The following PCDHA10 variants were observed in gnomAD, a reference collection of about 807,000 sequenced individuals.
PCDHA10 encodes the protein protocadherin alpha-10.
Under a neutral mutation model 61.2 loss-of-function variants are expected in PCDHA10, and 45 were observed. That is an observed-to-expected ratio of 0.74 (90% CI 0.58 to 0.94). The LOEUF (loss-of-function observed/expected upper bound fraction) is 0.94. PCDHA10 is among the 40% of genes least tolerant of loss of function. PCDHA10 has a pLI of 0.00. For synonymous variants in PCDHA10, 602 were observed against 548.8 expected, an observed-to-expected ratio of 1.10 and a Z score of -1.35; for missense variants, 1,278 against 1,236.2, an observed-to-expected ratio of 1.03 and a Z score of -0.51.
chr5:140,981,883 C>T (rs1488792007), intron 2 of PCDHA10, among the ~76,000 whole-genome samples: 1 of 152,146 alleles, frequency 6.6e-6, no homozygotes, highest in Non-Finnish European at 1.5e-5. Context: ...GAATTAATCT[C>T]TTCTGAGCGG....
rs1554205708 is a variant in PCDHA10 at position 140,928,289 on chromosome 5, G to A, written c.2389-50660G>A. 3.1e-6 allele frequency: 5 copies of A among 1,614,170 alleles called. No individual in the cohort carries two copies. In the East Asian group the frequency reaches 6.7e-5, roughly 22 times the overall value. ...AATGGCCCTGGGGCCTCTCTAGGCC[G>A]AGTGTTTGCCCAGGACCCCGACCTG... is the stretch of plus-strand genomic sequence containing the variant. On this transcript the variant is annotated intron_variant, in intron 1 of 3. Coordinates refer to ENST00000307360, the MANE Select transcript of PCDHA10 (RefSeq NM_018901.4).
At chr5:140,875,995 A>AATGAGAATTTTG (rs1554168162) in intron 1 of PCDHA10, 7 of 1,613,958 alleles carry the variant, frequency 4.3e-6, no homozygotes, top group Non-Finnish European at 5.9e-6. Context: ...GTTAAGTCTA[A>AATGAGAATTTTG]ATGAGAATTT....
intron 1 of PCDHA10, chr5:140,877,747 T>C (rs1554170075): frequency 1.2e-6 from 2 of 1,614,172 alleles, no homozygotes; most frequent in Non-Finnish European, 8.5e-7. Context: ...GCAGAGGGTG[T>C]GCTCTGCAGA....
chr5:140,927,254 C>T, intron 1 of PCDHA10: 2 of 1,614,132 alleles, frequency 1.2e-6, no homozygotes, highest in Non-Finnish European at 1.7e-6. Flanking sequence ...AATGACAACT[C>T]ACCTCTCTTT....
intron 1 of PCDHA10, chr5:140,883,245 G>C: frequency 6.2e-7 from 1 of 1,614,016 alleles, no homozygotes; most frequent in South Asian, 1.1e-5. Context: ...GTTGACAAAG[G>C]AAATATTCCA....
chr5:140,856,906 C>A lies in PCDHA10; in HGVS notation c.858C>A (p.Pro286=), dbSNP rs2044264701. 3.1e-6 allele frequency: 5 copies of A among 1,596,020 alleles called. No homozygotes were observed. The highest frequency in any genetic ancestry group is 2.6e-6 in the Non-Finnish European group (3 of 1,165,986). ...MMYSFSSLVP[P]TIRRKFWINE... is the part of the protein sequence containing the mutation. ...ATTCATTTAGCTCTTTGGTCCCACC[C>A]ACGATAAGAAGGAAATTTTGGATAA... The change falls in exon 1 of 4, where the codon CCC becomes CCA. Residue 286 remains proline (P), a synonymous_variant. Coordinates refer to ENST00000307360, the MANE Select transcript of PCDHA10 (RefSeq NM_018901.4).
intron 1 of PCDHA10, among the ~76,000 whole-genome samples, chr5:140,951,140 C>G (rs1322025119): frequency 9.9e-6 from 1 of 100,842 alleles, no homozygotes; most frequent in Non-Finnish European, 2.0e-5. Context: ...TTTCCTTTAT[C>G]TTATTGAATA....
At position 140,858,161 on chromosome 5, in the gene PCDHA10, G is replaced by T; in HGVS notation, c.2113G>T (p.Val705Leu). The change falls in exon 1 of 4, where the codon GTG becomes TTG. Residue 705 changes from valine (V) to leucine (L), a missense_variant. Val to Leu is a conservative substitution (Grantham distance 32). Transcript: ENST00000307360. ...NVYLIIAICAVSSLLVLTLLL... is the reference protein window; with the variant it reads ...NVYLIIAICALSSLLVLTLLL... Reference sequence around the variant, plus strand: ...GTACCTGATCATCGCCATCTGCGCGGTGTCCAGCTTGCTGGTGCTCACGCT... The same window carrying T: ...GTACCTGATCATCGCCATCTGCGCGTTGTCCAGCTTGCTGGTGCTCACGCT... 6.3e-7 allele frequency: 1 copy of T among 1,597,836 alleles called. No homozygotes were observed. The highest frequency in any genetic ancestry group is 8.6e-7 in the Non-Finnish European group (1 of 1,167,578).
chr5:140,891,756 G>A (rs782304941), intron 1 of PCDHA10, among the ~76,000 whole-genome samples: 20 of 152,144 alleles, frequency 1.3e-4, no homozygotes, highest in Non-Finnish European at 2.5e-4. Flanking sequence ...AACAGTGTTG[G>A]GAGGTGGGGA....
chr5:140,857,925 A>T lies in PCDHA10; in HGVS notation c.1877A>T (p.Tyr626Phe), dbSNP rs1291686886. 2 of 1,597,686 alleles carry T rather than the reference A, an allele frequency of 1.3e-6. No homozygotes were observed. Among genetic ancestry groups the T allele is most frequent in the Non-Finnish European group, 1.7e-6 (2 of 1,167,552 alleles). The change falls in exon 1 of 4, where the codon TAC becomes TTC. Residue 626 changes from tyrosine (Y) to phenylalanine (F), a missense_variant. Tyr to Phe is a conservative substitution (Grantham distance 22, BLOSUM62 3). Transcript: ENST00000307360. ...GARIPFRVGL[Y>F]TGEISTTRAL... ...CGCATCCCGTTTCGCGTGGGGCTGTACACGGGCGAGATCAGTACGACGCGC... is the reference window on the plus strand; with the variant it reads ...CGCATCCCGTTTCGCGTGGGGCTGTTCACGGGCGAGATCAGTACGACGCGC...
intron 3 of PCDHA10, among the ~76,000 whole-genome samples, chr5:140,990,589 C>G (rs1208213426): frequency 6.6e-6 from 1 of 152,196 alleles, no homozygotes; most frequent in African/African-American, 2.4e-5. Flanking sequence ...TTCCTATAAT[C>G]ACCTGGAGTC....
At chr5:140,957,225 G>C (rs1585702621) in intron 1 of PCDHA10, among the ~76,000 whole-genome samples, 1 of 152,072 alleles carries the variant, frequency 6.6e-6, no homozygotes, top group Admixed American at 6.6e-5. Flanking sequence ...ATTTGGCGAA[G>C]CATTTTGGCA....
intron 1 of PCDHA10, among the ~76,000 whole-genome samples, chr5:140,914,715 T>A (rs1554196547): frequency 6.6e-6 from 1 of 152,162 alleles, no homozygotes; most frequent in Non-Finnish European, 1.5e-5. Flanking sequence ...TTCTTGTTTT[T>A]TATTTTTTGT....
chr5:140,927,218 A>T, intron 1 of PCDHA10: 1 of 1,614,090 alleles, frequency 6.2e-7, no homozygotes, highest in Non-Finnish European at 8.5e-7. Flanking sequence ...GAGCTGCACA[A>T]GATTCGGATT....
intron 1 of PCDHA10, among the ~76,000 whole-genome samples, chr5:140,890,014 A>G (rs1402612271): frequency 6.6e-6 from 1 of 152,148 alleles, no homozygotes; most frequent in African/African-American, 2.4e-5. Flanking sequence ...TGCCAGAAAA[A>G]TGTAGAAGGC....
rs781790601 is a variant in PCDHA10 at position 140,870,998 on chromosome 5, C to G, written c.2388+12562C>G. The G allele has an allele frequency of 6.2e-6, 10 of 1,613,366 alleles. No individual in the cohort carries two copies. The Admixed American group carries it at 1.7e-4, about 27-fold the overall frequency. On this transcript the variant is annotated intron_variant, in intron 1 of 3. Transcript: ENST00000307360. Reference sequence around the variant, plus strand: ...GGGCTGTACACGGGCGAGATAAGCACAACGCGTGCCCTGGACGAGGCAGAC... The same window carrying G: ...GGGCTGTACACGGGCGAGATAAGCAGAACGCGTGCCCTGGACGAGGCAGAC...
At chr5:140,882,087 C>A in intron 1 of PCDHA10, 2 of 1,081,718 alleles carry the variant, frequency 1.8e-6, no homozygotes, top group Non-Finnish European at 2.6e-6. Flanking sequence ...TCGCTCTTCA[C>A]TGAGAACGTT....
In PCDHA10 at chr5:140,982,553, T is replaced by A. The variant is rs782605920; in HGVS notation, c.2526T>A (p.Ser842Arg). The A allele has an allele frequency of 1.9e-5, 30 of 1,614,054 alleles. No homozygotes were observed. In the South Asian group the frequency reaches 3.2e-4, roughly 17 times the overall value. ...GPDQQWPTVS[S>R]ATPEPEAGEV... ...ATCAGCAGTGGCCAACAGTATCCAG[T>A]GCAACACCAGGTAAAGAGCTGGGGT... The change falls in exon 3 of 4, where the codon AGT (serine) becomes AGA (arginine). Residue 842 changes from serine (S) to arginine (R), a missense_variant. Transcript: ENST00000307360.
Position 140,961,691 on chromosome 5 carries a change from T to A in PCDHA10, c.2389-17258T>A, listed in dbSNP as rs963909259. On this transcript the variant is annotated intron_variant, in intron 1 of 3. Transcript: ENST00000307360. Reference sequence around the variant, plus strand: ...GTTTTTAATTAAGCCGGAGTAGTCCTTAGTATGAATGCCTTCATTTCTAAG... The same window carrying A: ...GTTTTTAATTAAGCCGGAGTAGTCCATAGTATGAATGCCTTCATTTCTAAG... Among the ~76,000 whole-genome samples the A allele has an allele frequency of 2.0e-5, 3 of 152,340 alleles. No individual in the cohort carries two copies. In the East Asian group the frequency reaches 5.8e-4, roughly 29 times the overall value.
Sources: allele counts gnomAD v4.1 joint callset (sites outside exome capture counted in the v4.1 genomes callset), GRCh38; gene constraint gnomAD v4.1.1; transcripts MANE v1.5; gene names NCBI Gene and HGNC (gene_info 2026-07-23, HGNC 2026-07-21).